ATP2B1: variants seen among roughly 807,000 people sequenced by gnomAD.
ATP2B1 encodes ATPase plasma membrane Ca2+ transporting 1.
A neutral mutation model predicts 124.2 loss-of-function variants in ATP2B1; 14 were observed. That is an observed-to-expected ratio of 0.11 (90% CI 0.07 to 0.18). The LOEUF (loss-of-function observed/expected upper bound fraction) is 0.18. ATP2B1 is among the 10% of genes least tolerant of loss of function. The pLI, the probability that ATP2B1 is intolerant of heterozygous loss-of-function variation, is 1.00. For synonymous variants in ATP2B1, 449 were observed against 492.4 expected, an observed-to-expected ratio of 0.91 and a Z score of 1.17; for missense variants, 763 against 1,466.1, an observed-to-expected ratio of 0.52 and a Z score of 7.83.
intron 2 of ATP2B1, among the ~76,000 whole-genome samples, chr12:89,644,923 C>T (rs1483008091): frequency 1.3e-5 from 2 of 152,182 alleles, no homozygotes; most frequent in African/African-American, 4.8e-5. Flanking sequence ...TAAAACGTAT[C>T]TTGGAGAGTA....
At chr12:89,612,716 G>A (rs2136015780) in intron 12 of ATP2B1, among the ~76,000 whole-genome samples, 1 of 152,258 alleles carries the variant, frequency 6.6e-6, no homozygotes, top group Admixed American at 6.5e-5. Context: ...GGTCTACCTA[G>A]ACAAAACTGC....
intron 1 of ATP2B1, among the ~76,000 whole-genome samples, chr12:89,697,636 C>T (rs1891304150): frequency 6.7e-6 from 1 of 149,712 alleles, no homozygotes. Context: ...CTTATACATG[C>T]ATAAAGTCTG....
chr12:89,620,914 T>C (rs1879853416), intron 10 of ATP2B1, among the ~76,000 whole-genome samples: 1 of 152,316 alleles, frequency 6.6e-6, no homozygotes, highest in East Asian at 1.9e-4. Flanking sequence ...TTTTCCCTAA[T>C]GAACAGCTTG....
chr12:89,613,587 A>G (rs913361610), intron 12 of ATP2B1, among the ~76,000 whole-genome samples: 2 of 152,200 alleles, frequency 1.3e-5, no homozygotes, highest in African/African-American at 2.4e-5. Flanking sequence ...ATAAATGTAT[A>G]TATCTCCTGT....
intron 1 of ATP2B1, among the ~76,000 whole-genome samples, chr12:89,670,171 TA>T (rs1305452162): frequency 1.3e-5 from 2 of 152,136 alleles, no homozygotes; most frequent in African/African-American, 2.4e-5. Flanking sequence ...AAGATAGATA[TA>T]ATCATGTAGA....
intron 1 of ATP2B1, among the ~76,000 whole-genome samples, chr12:89,682,973 T>A (rs182281522): frequency 6.6e-6 from 1 of 152,284 alleles, no homozygotes; most frequent in Non-Finnish European, 1.5e-5. Flanking sequence ...ATAAATGTTT[T>A]AAGTTGAGGG....
At chr12:89,625,713 C>T (rs944395269) in intron 8 of ATP2B1, among the ~76,000 whole-genome samples, 4 of 152,106 alleles carry the variant, frequency 2.6e-5, no homozygotes, top group African/African-American at 7.2e-5. Context: ...CCACCTTTTC[C>T]CCCAACACTA....
intron 1 of ATP2B1, among the ~76,000 whole-genome samples, chr12:89,669,852 A>C (rs1002903998): frequency 6.6e-6 from 1 of 152,162 alleles, no homozygotes; most frequent in Non-Finnish European, 1.5e-5. Context: ...TATTCAGTTC[A>C]GTATATGAAT....
In ATP2B1 at chr12:89,599,159, G is replaced by A. The variant is rs1232574615; in HGVS notation, c.3309C>T (p.Gly1103=). 6.2e-7 allele frequency: 1 copy of A among 1,614,070 alleles called. No homozygotes were observed. The highest frequency in any genetic ancestry group is 1.3e-5 in the African/African-American group (1 of 75,000). The change falls in exon 20 of 21, where the codon GGC becomes GGT. Residue 1103 remains glycine (G), a synonymous_variant. Transcript: ENST00000428670. ...TCAGACCTCTAAACCACAAGATTTG[G>A]CCACGCCGCAACTCCCTTTCAGCGT... ...IDHAERELRR[G]QILWFRGLNR...
At chr12:89,672,311 G>T (rs1464088449) in intron 1 of ATP2B1, among the ~76,000 whole-genome samples, 1 of 152,024 alleles carries the variant, frequency 6.6e-6, no homozygotes. Flanking sequence ...CAAATTAGCT[G>T]GGCATAGTGG....
At chr12:89,626,258 G>C (rs1384565062) in intron 8 of ATP2B1, among the ~76,000 whole-genome samples, 196 bp downstream of exon 8, 1 of 152,102 alleles carries the variant, frequency 6.6e-6, no homozygotes, top group Non-Finnish European at 1.5e-5. Context: ...ATCCTAACCC[G>C]ACCACTTATT....
Position 89,653,518 on chromosome 12 carries a change from C to T in ATP2B1, c.208+2161G>A, listed in dbSNP as rs535530696. Reference sequence around the variant, plus strand: ...TTCACCTTGTTAGCCAGGATGGTCTCGATCTCCTGACCTCATGATCCACCC... The same window carrying T: ...TTCACCTTGTTAGCCAGGATGGTCTTGATCTCCTGACCTCATGATCCACCC... On this transcript the variant is annotated intron_variant, in intron 2 of 20. Transcript: ENST00000428670. Among the ~76,000 whole-genome samples, 7 of 151,190 alleles carry T rather than the reference C, an allele frequency of 4.6e-5. No individual in the cohort carries two copies. In the South Asian group the frequency reaches 8.4e-4, roughly 18 times the overall value.
chr12:89,635,327 AT>A, intron 3 of ATP2B1, 76 bp from the exon 4 acceptor site: 4 of 1,463,968 alleles, frequency 2.7e-6, no homozygotes, highest in Middle Eastern at 1.8e-4. Flanking sequence ...CGTCTAAATC[AT>A]ATTTTTGTGT....
intron 5 of ATP2B1, among the ~76,000 whole-genome samples, chr12:89,634,469 G>C (rs911632064): frequency 2.6e-5 from 4 of 152,084 alleles, no homozygotes; most frequent in African/African-American, 4.8e-5. Context: ...CAGAATAACA[G>C]ACCAACTCAA....
In ATP2B1 at chr12:89,611,179, T is replaced by C. The variant is rs759065744; in HGVS notation, c.2247+14A>G. ...CATCTGTCAACCAAAAACAAAATAATAATAAATCTTTACCTCTCCTTTTTC... is the reference window on the plus strand; with the variant it reads ...CATCTGTCAACCAAAAACAAAATAACAATAAATCTTTACCTCTCCTTTTTC... On this transcript the variant is annotated intron_variant, in intron 13 of 20. Coordinates refer to ENST00000428670, the MANE Select transcript of ATP2B1 (RefSeq NM_001366521.1). The C allele has an allele frequency of 1.3e-6, 2 of 1,568,380 alleles. No individual in the cohort carries two copies. Among genetic ancestry groups the C allele is most frequent in the Non-Finnish European group, 1.7e-6 (2 of 1,164,360 alleles).
rs140794094 is a variant in ATP2B1 at position 89,620,040 on chromosome 12, A to G, written c.1788T>C (p.Tyr596=). ...CAGATGCACCCTTGCTGAATATTCGATAACTTCCATCTGAATTTTTCAGGA... is the reference window on the plus strand; with the variant it reads ...CAGATGCACCCTTGCTGAATATTCGGTAACTTCCATCTGAATTTTTCAGGA... ...STVLKNSDGS[Y]RIFSKGASEI... Residue 596 remains tyrosine, a synonymous_variant, in exon 11 of 21, where the codon TAT becomes TAC. Transcript: ENST00000428670. 7.9e-5 allele frequency: 127 copies of G among 1,614,078 alleles called. No individual in the cohort carries two copies. Among genetic ancestry groups the G allele is most frequent in the Non-Finnish European group, 9.7e-5 (115 of 1,179,980 alleles).
chr12:89,708,335 C>T (rs578216836), intron 1 of ATP2B1, among the ~76,000 whole-genome samples: 1 of 152,186 alleles, frequency 6.6e-6, no homozygotes, highest in Non-Finnish European at 1.5e-5. Context: ...CCCTCGGGCC[C>T]GGAGCAGCGA....
chr12:89,630,772 A>AATATATAAATATATATATTATATAAATAT (rs1555199714), intron 5 of ATP2B1, 127 bp from the exon 6 acceptor site: 34,055 of 203,762 alleles, frequency 0.17, 3,292 homozygotes, highest in African/African-American at 0.2. Context: ...TATAAATATA[A>AATATATAAATATATATATTATATAAATAT]ATATATAAAT....
chr12:89,632,962 C>G (rs911281804), intron 5 of ATP2B1, among the ~76,000 whole-genome samples: 10 of 152,214 alleles, frequency 6.6e-5, no homozygotes, highest in Middle Eastern at 3.4e-3. Context: ...GAGCTAAGCA[C>G]TATGTAAATA....
Sources: allele counts gnomAD v4.1 joint callset (sites outside exome capture counted in the v4.1 genomes callset), GRCh38; gene constraint gnomAD v4.1.1; transcripts MANE v1.5; gene names NCBI Gene and HGNC (gene_info 2026-07-23, HGNC 2026-07-21).